IL6R: variants seen among roughly 807,000 people sequenced by gnomAD.
IL6R encodes interleukin-6 receptor subunit alpha.
In IL6R, 38 loss-of-function variants were observed where a neutral mutation model predicts 48.3. The observed-to-expected ratio is 0.79, with a 90% CI of 0.61 to 1.03. IL6R has a LOEUF of 1.03. Among genes scored for constraint, IL6R ranks in the 50% least tolerant of loss-of-function variants. The pLI, the probability that IL6R is intolerant of heterozygous loss-of-function variation, is 0.00. For synonymous variants in IL6R, 264 were observed against 256.2 expected, an observed-to-expected ratio of 1.03 and a Z score of -0.29; for missense variants, 534 against 618.3, an observed-to-expected ratio of 0.86 and a Z score of 1.45.
chr1:154,433,966 A>G (rs1184229044), intron 3 of IL6R, among the ~76,000 whole-genome samples: 1 of 151,206 alleles, frequency 6.6e-6, no homozygotes, highest in Admixed American at 6.6e-5. Context: ...TGACCTCATG[A>G]TCTGCCTGCG....
intron 1 of IL6R, among the ~76,000 whole-genome samples, chr1:154,425,053 C>T (rs564403487): frequency 6.6e-6 from 1 of 152,302 alleles, no homozygotes; most frequent in Non-Finnish European, 1.5e-5. Flanking sequence ...GGGATTTTCA[C>T]AGTGCTTTTC....
intron 9 of IL6R, among the ~76,000 whole-genome samples, chr1:154,460,837 C>T (rs958434360): frequency 1.8e-4 from 27 of 152,210 alleles, no homozygotes; most frequent in African/African-American, 5.8e-4. Context: ...GTGTTCTCCC[C>T]GTGTGTGGAG....
chr1:154,447,476 T>TACAC (rs1230551409), intron 6 of IL6R, among the ~76,000 whole-genome samples: 938 of 68,030 alleles, frequency 0.014, 34 homozygotes, highest in East Asian at 0.035. Flanking sequence ...TATATATATA[T>TACAC]ACACACACAC....
At chr1:154,440,268 T>C (rs1308269363) in intron 6 of IL6R, among the ~76,000 whole-genome samples, 1 of 152,208 alleles carries the variant, frequency 6.6e-6, no homozygotes, top group Non-Finnish European at 1.5e-5. Context: ...AATATTCCAT[T>C]GTGTAGAGAT....
intron 1 of IL6R, chr1:154,414,906 C>T: frequency 1.1e-6 from 1 of 913,598 alleles, no homozygotes. Flanking sequence ...AGCATTTGAG[C>T]TGGGTCATGT....
At chr1:154,426,108 CAT>C (rs879897086) in intron 1 of IL6R, among the ~76,000 whole-genome samples, 33 of 132,466 alleles carry the variant, frequency 2.5e-4, no homozygotes, top group Non-Finnish European at 3.2e-4. Flanking sequence ...CACACACACA[CAT>C]ATACACACAA....
chr1:154,417,931 C>T (rs1016095477), intron 1 of IL6R, among the ~76,000 whole-genome samples: 1 of 152,064 alleles, frequency 6.6e-6, no homozygotes, highest in African/African-American at 2.4e-5. Flanking sequence ...GACAGGATTT[C>T]ACCATGTTGG....
chr1:154,452,146 C>G (rs1371586112), intron 8 of IL6R, among the ~76,000 whole-genome samples: 1 of 152,142 alleles, frequency 6.6e-6, no homozygotes, highest in Non-Finnish European at 1.5e-5. Context: ...CTACCAACTT[C>G]TAGTCTTAAC....
chr1:154,427,414 T>A (rs1231046809), intron 1 of IL6R, among the ~76,000 whole-genome samples: 1 of 152,104 alleles, frequency 6.6e-6, no homozygotes, highest in Non-Finnish European at 1.5e-5. Flanking sequence ...AGGCCATAGG[T>A]GTCTCAGGAA....
intron 6 of IL6R, among the ~76,000 whole-genome samples, chr1:154,438,594 C>T (rs891213246): frequency 3.3e-5 from 5 of 152,144 alleles, no homozygotes; most frequent in Non-Finnish European, 7.4e-5. Flanking sequence ...AGTCCCATCC[C>T]GACCCCTGCC....
Position 154,405,835 on chromosome 1 carries a change from T to A in IL6R, c.85+121T>A. ...AGGAGGTGCGACGGATCCCCTTTTCTGTGGCTGCCTTGAGGCCCCGCGGGT... is the reference window on the plus strand; with the variant it reads ...AGGAGGTGCGACGGATCCCCTTTTCAGTGGCTGCCTTGAGGCCCCGCGGGT... On this transcript the variant is annotated intron_variant, in intron 1 of 9. Transcript: ENST00000368485. The surrounding 1 kb of genome is among the most constrained non-coding windows in gnomAD (Gnocchi z 5.2). The A allele has an allele frequency of 6.5e-6, 5 of 772,630 alleles. No individual in the cohort carries two copies. The highest frequency in any genetic ancestry group is 9.7e-6 in the Non-Finnish European group (5 of 513,570). 47.9% of individuals were successfully genotyped at this position (772,630 alleles called of 1,614,324 possible).
intron 6 of IL6R, among the ~76,000 whole-genome samples, chr1:154,447,220 C>G (rs1310301167): frequency 6.6e-6 from 1 of 151,562 alleles, no homozygotes; most frequent in African/African-American, 2.4e-5. Context: ...GGATAGATCA[C>G]CTGAGGTCAG....
intron 1 of IL6R, among the ~76,000 whole-genome samples, chr1:154,426,185 C>CACAA (rs1688956857): frequency 1.3e-5 from 2 of 150,228 alleles, no homozygotes; most frequent in African/African-American, 4.9e-5. Context: ...CACACACACA[C>CACAA]ACACACACAT....
intron 1 of IL6R, chr1:154,414,679 A>C: frequency 1.2e-6 from 1 of 854,118 alleles, no homozygotes; most frequent in Non-Finnish European, 2.0e-6. Flanking sequence ...ACCCTTGGCC[A>C]GGAACACTTT....
chr1:154,465,926 G>A lies in IL6R; in HGVS notation c.*546G>A, dbSNP rs1691533221. On this transcript the variant is annotated 3_prime_UTR_variant, in exon 10 of 10. Transcript: ENST00000368485. ...TTTTACTTAAACCGCCAAGGCTGGG[G>A]GAAGAAGCTCTCTCCTCCCTTTCTT... The A allele has an allele frequency of 6.4e-6, 1 of 155,968 alleles. No homozygotes were observed. The highest frequency in any genetic ancestry group is 1.4e-5 in the Non-Finnish European group (1 of 70,088). 9.7% of individuals were successfully genotyped at this position (155,968 alleles called of 1,614,324 possible).
intron 6 of IL6R, among the ~76,000 whole-genome samples, chr1:154,438,295 G>A (rs1202463214): frequency 6.6e-6 from 1 of 151,646 alleles, no homozygotes; most frequent in Admixed American, 6.6e-5. Context: ...GATCTAGAAT[G>A]CAAGAATCTC....
chr1:154,406,403 A>T (rs1461605665), intron 1 of IL6R: 7 of 152,236 alleles, frequency 4.6e-5, no homozygotes, highest in Non-Finnish European at 1.0e-4. Flanking sequence ...TCTAGAAAAG[A>T]GAAGGACCCG....
At chr1:154,426,853 G>A (rs1270332278) in intron 1 of IL6R, among the ~76,000 whole-genome samples, 1 of 152,092 alleles carries the variant, frequency 6.6e-6, no homozygotes, top group Non-Finnish European at 1.5e-5. Context: ...ACCCTTTCAA[G>A]CCCTCTGGGC....
chr1:154,416,134 T>A (rs1199260753), intron 1 of IL6R, among the ~76,000 whole-genome samples: 2 of 152,068 alleles, frequency 1.3e-5, no homozygotes, highest in African/African-American at 2.4e-5. Flanking sequence ...TATTTTTTCC[T>A]TCCTATTTTT....
Sources: gnomAD v4.1 joint callset for allele counts (sites outside exome capture counted in the v4.1 genomes callset) on GRCh38, gnomAD v4.1.1 for gene constraint, Gnocchi (gnomAD v3.1) non-coding constraint, MANE v1.5 for transcripts, NCBI Gene and HGNC (gene_info 2026-07-23, HGNC 2026-07-21) for gene names.